The following ADAMTS20 variants were observed in gnomAD, a reference collection of about 807,000 sequenced individuals.
ADAMTS20 encodes the protein ADAM metallopeptidase with thrombospondin type 1 motif 20.
ADAMTS20 carries 225 observed loss-of-function variants against 260.1 expected under a neutral mutation model. The observed-to-expected ratio is 0.87, with a 90% CI of 0.78 to 0.97. The LOEUF is 0.97. ADAMTS20 is among the 50% of genes least tolerant of loss of function. The pLI, the probability that ADAMTS20 is intolerant of heterozygous loss-of-function variation, is 0.00. For missense variants in ADAMTS20, 2,400 were observed against 2,337.7 expected (o/e 1.03, Z -0.55); for synonymous variants, 802 against 769.5 (o/e 1.04, Z -0.70).
intron 24 of ADAMTS20, 93 bp from the exon 25 acceptor site, chr12:43,428,892 CCA>C (rs1941388633): frequency 8.2e-7 from 1 of 1,225,486 alleles, no homozygotes; most frequent in Admixed American, 2.7e-5. Flanking sequence ...TCTAAAACAT[CCA>C]GTTTCTTGAG....
intron 31 of ADAMTS20, 109 bp downstream of exon 31, chr12:43,383,449 T>C (rs1940397334): frequency 3.7e-6 from 4 of 1,072,260 alleles, no homozygotes; most frequent in East Asian, 2.6e-5. Context: ...ATGCATACCA[T>C]CATCTGCCCT....
chr12:43,411,882 C>T (rs546188153), intron 28 of ADAMTS20, among the ~76,000 whole-genome samples: 22 of 152,136 alleles, frequency 1.4e-4, no homozygotes, highest in Middle Eastern at 3.4e-3. Flanking sequence ...CAGAGTGACA[C>T]AGAAAACTTT....
At chr12:43,401,590 G>A (rs574911274) in intron 28 of ADAMTS20, among the ~76,000 whole-genome samples, 2 of 151,768 alleles carry the variant, frequency 1.3e-5, no homozygotes, top group South Asian at 4.2e-4. Context: ...GGTCATCTTT[G>A]CTTCTCTCTC....
At chr12:43,536,717 G>C (rs1370299317) in intron 2 of ADAMTS20, among the ~76,000 whole-genome samples, 2 of 152,202 alleles carry the variant, frequency 1.3e-5, no homozygotes, top group African/African-American at 4.8e-5. Context: ...AGAACAGTGA[G>C]GCTGCAGCTG....
intron 19 of ADAMTS20, among the ~76,000 whole-genome samples, chr12:43,433,183 G>A (rs138688287): frequency 9.9e-5 from 15 of 152,264 alleles, no homozygotes; most frequent in African/African-American, 2.2e-4. Flanking sequence ...ACCAGGGAAC[G>A]TCTAGGAATT....
intron 2 of ADAMTS20, 64 bp from the exon 3 acceptor site, chr12:43,532,259 T>G: frequency 7.0e-7 from 1 of 1,421,664 alleles, no homozygotes. Flanking sequence ...AAACACATAG[T>G]ACCACAGGTT....
intron 36 of ADAMTS20, among the ~76,000 whole-genome samples, chr12:43,373,630 A>G (rs1319868446): frequency 7.0e-6 from 1 of 143,682 alleles, no homozygotes; most frequent in African/African-American, 2.6e-5. Context: ...AGCTTGTATT[A>G]TATGTAAAAC....
At position 43,431,337 on chromosome 12, in the gene ADAMTS20, C is replaced by G; in HGVS notation, c.3256G>C (p.Gly1086Arg). The G allele has an allele frequency of 6.2e-7, 1 of 1,613,632 alleles. No individual in the cohort carries two copies. The highest frequency in any genetic ancestry group is 8.5e-7 in the Non-Finnish European group (1 of 1,179,726). Residue 1086 changes from glycine to arginine, a missense_variant, in exon 22 of 39, where the codon GGT becomes CGT. Coordinates refer to ENST00000389420, the MANE Select transcript of ADAMTS20 (RefSeq NM_025003.5). ...TCASWQVGPW[G>R]PCTTTCGHGY... ...AACCCATATCATATACTCACAGGAC[C>G]CCATGGTCCTACTTGCCAGGAAGCA...
intron 3 of ADAMTS20, among the ~76,000 whole-genome samples, chr12:43,518,665 T>A (rs1943030482): frequency 6.6e-6 from 1 of 152,004 alleles, no homozygotes; most frequent in African/African-American, 2.4e-5. Context: ...GTTCACTTAC[T>A]CTATTGCCTA....
intron 28 of ADAMTS20, among the ~76,000 whole-genome samples, chr12:43,421,023 G>C (rs528391405): frequency 6.6e-6 from 1 of 151,188 alleles, no homozygotes; most frequent in South Asian, 2.1e-4. Context: ...TGGCCAGGCT[G>C]GTCTCGAACT....
chr12:43,539,064 T>C (rs1943337822), intron 2 of ADAMTS20, among the ~76,000 whole-genome samples: 1 of 151,640 alleles, frequency 6.6e-6, no homozygotes. Context: ...GCAATTCTCC[T>C]GCCTCAGCCT....
At chr12:43,512,267 G>A (rs917466560) in intron 3 of ADAMTS20, among the ~76,000 whole-genome samples, 1 of 148,758 alleles carries the variant, frequency 6.7e-6, no homozygotes, top group Non-Finnish European at 1.5e-5. Flanking sequence ...GAACAAGAAG[G>A]TTAAACTGCC....
intron 7 of ADAMTS20, among the ~76,000 whole-genome samples, chr12:43,475,000 C>T (rs1431863493): frequency 7.9e-6 from 1 of 127,076 alleles, no homozygotes; most frequent in Non-Finnish European, 1.7e-5. Context: ...GGCAATCAGG[C>T]AGGAGAAGGA....
intron 3 of ADAMTS20, 90 bp from the exon 4 acceptor site, chr12:43,502,495 T>C: frequency 8.6e-7 from 1 of 1,165,078 alleles, no homozygotes. Context: ...AAATATTTAA[T>C]ACTTACATAT....
At chr12:43,530,468 T>G (rs887173836) in intron 3 of ADAMTS20, among the ~76,000 whole-genome samples, 2 of 152,164 alleles carry the variant, frequency 1.3e-5, no homozygotes, top group Non-Finnish European at 2.9e-5. Context: ...TGTCAATAGA[T>G]TTAAAACACG....
At position 43,405,227 on chromosome 12, in the gene ADAMTS20, T is replaced by TAAAAAAAAA. The variant is rs1565683116; in HGVS notation, c.4285-5995_4285-5994insTTTTTTTTT. Among the ~76,000 whole-genome samples, 72 of 11,540 alleles carry TAAAAAAAAA rather than the reference T, an allele frequency of 6.2e-3. 1 individual carries two copies. The highest frequency in any genetic ancestry group is 0.016 in the African/African-American group (68 of 4,246). The allele number at this position is 11,540 out of a possible 152,430, so 7.6% of individuals were successfully genotyped here. On this transcript the variant is annotated intron_variant, in intron 28 of 38. Coordinates refer to ENST00000389420, the MANE Select transcript of ADAMTS20 (RefSeq NM_025003.5). Reference sequence around the variant, plus strand: ...TGGTAACAAAATGAGACCTCATCTCTACAAAAAAAAAAAAAAAAAAAAAAA... The same window carrying TAAAAAAAAA: ...TGGTAACAAAATGAGACCTCATCTCTAAAAAAAAAACAAAAAAAAAAAAAAAAAAAAAAA...
At position 43,443,647 on chromosome 12, in the gene ADAMTS20, T is replaced by C. The variant is rs1941707594; in HGVS notation, c.2290+144A>G. On this transcript the variant is annotated intron_variant, in intron 16 of 38. Coordinates refer to ENST00000389420, the MANE Select transcript of ADAMTS20 (RefSeq NM_025003.5). Reference sequence around the variant, plus strand: ...ATTTTTGAGTGCTTAAGAACATATGTATAGGGAGCGCTAAGCTCAGTATGA... The same window carrying C: ...ATTTTTGAGTGCTTAAGAACATATGCATAGGGAGCGCTAAGCTCAGTATGA... 5 of 575,222 alleles carry C rather than the reference T, an allele frequency of 8.7e-6. No homozygotes were observed. In the East Asian group the frequency reaches 1.1e-4, roughly 12 times the overall value. The allele number at this position is 575,222 out of a possible 1,614,324, so 35.6% of individuals were successfully genotyped here.
intron 14 of ADAMTS20, among the ~76,000 whole-genome samples, chr12:43,448,893 T>C (rs761658731): frequency 2.6e-5 from 4 of 151,892 alleles, no homozygotes; most frequent in Non-Finnish European, 5.9e-5. Flanking sequence ...AAAAGCGCAA[T>C]ATCACTGATC....
chr12:43,447,351 C>T (rs1244603735), intron 14 of ADAMTS20, among the ~76,000 whole-genome samples: 1 of 152,052 alleles, frequency 6.6e-6, no homozygotes, highest in Non-Finnish European at 1.5e-5. Context: ...TGCAAATCAA[C>T]AAATGCAATT....
Sources: gnomAD v4.1 joint callset for allele counts (sites outside exome capture counted in the v4.1 genomes callset) on GRCh38, gnomAD v4.1.1 for gene constraint, MANE v1.5 for transcripts, NCBI Gene and HGNC (gene_info 2026-07-23, HGNC 2026-07-21) for gene names.